FOXO3: variants seen among roughly 807,000 people sequenced by gnomAD.
FOXO3 encodes forkhead box O3, also known as forkhead box protein O3.
In FOXO3, 4 loss-of-function variants were observed where a neutral mutation model predicts 41.9. That is an observed-to-expected ratio of 0.10 (90% confidence interval 0.05 to 0.22). The LOEUF (loss-of-function observed/expected upper bound fraction) is 0.22. Among genes scored for constraint, FOXO3 ranks in the 10% least tolerant of loss-of-function variants. FOXO3 has a pLI of 1.00. For missense variants in FOXO3, 534 were observed against 906.8 expected, an observed-to-expected ratio of 0.59 and a Z score of 5.28; for synonymous variants, 318 against 389.3, an observed-to-expected ratio of 0.82 and a Z score of 2.16.
chr6:108,560,735 G>A (rs536578451), upstream of FOXO3: 28 of 225,224 alleles, frequency 1.2e-4, no homozygotes, highest in Non-Finnish European at 1.7e-4. Context: ...GCTCGGCTGC[G>A]CCAGCTCCGG....
intron 1 of FOXO3, among the ~76,000 whole-genome samples, chr6:108,579,206 G>A (rs1033151557): frequency 3.3e-5 from 5 of 152,222 alleles, no homozygotes; most frequent in Middle Eastern, 6.8e-3. Flanking sequence ...ATTCCTTTTC[G>A]TACATGAAGC....
chr6:108,588,323 G>A (rs1776642278), intron 1 of FOXO3, among the ~76,000 whole-genome samples: 1 of 151,872 alleles, frequency 6.6e-6, no homozygotes, highest in South Asian at 2.1e-4. Context: ...ACCATTGACT[G>A]GATGTTGTAT....
chr6:108,581,203 C>T (rs1207965943), intron 1 of FOXO3, among the ~76,000 whole-genome samples: 2 of 151,982 alleles, frequency 1.3e-5, no homozygotes, highest in African/African-American at 4.8e-5. Flanking sequence ...TAAATTAGGC[C>T]CAGGACATTG....
chr6:108,644,443 A>G (rs1227986389), intron 1 of FOXO3, among the ~76,000 whole-genome samples: 1 of 152,132 alleles, frequency 6.6e-6, no homozygotes. Context: ...GCAACTAGTG[A>G]TAACCTCTTG....
intron 2 of FOXO3, among the ~76,000 whole-genome samples, chr6:108,673,587 T>G (rs924543869): frequency 1.3e-5 from 2 of 152,220 alleles, no homozygotes; most frequent in African/African-American, 4.8e-5. Flanking sequence ...TTAGATTGTC[T>G]CTCAGAATCC....
In FOXO3 at chr6:108,663,803, C is replaced by T. The variant is rs1778952669; in HGVS notation, c.970C>T (p.Leu324=). 6.2e-7 allele frequency: 1 copy of T among 1,613,906 alleles called. No homozygotes were observed. The highest frequency in any genetic ancestry group is 8.5e-7 in the Non-Finnish European group (1 of 1,179,806). The change falls in exon 2 of 3, where the codon CTG becomes TTG. Residue 324 remains leucine, a synonymous_variant. Transcript: ENST00000406360. The part of the protein sequence containing the change: ...NSNASTVSGR[L]SPIMASTELD... ...TAACGCCAGCACAGTCAGTGGCCGC[C>T]TGTCGCCCATCATGGCAAGCACAGA...
chr6:108,638,901 T>G (rs1778183287), intron 1 of FOXO3, among the ~76,000 whole-genome samples: 1 of 152,182 alleles, frequency 6.6e-6, no homozygotes, highest in South Asian at 2.1e-4. Context: ...GTTCTGTTAA[T>G]AAAATCTACA....
intron 1 of FOXO3, among the ~76,000 whole-genome samples, chr6:108,637,573 A>G (rs942045703): frequency 3.9e-5 from 6 of 152,192 alleles, no homozygotes; most frequent in African/African-American, 4.8e-5. Context: ...ACTCCTGATA[A>G]TGATAGAATA....
chr6:108,630,893 G>A (rs1004415456), intron 1 of FOXO3, among the ~76,000 whole-genome samples: 23 of 152,094 alleles, frequency 1.5e-4, no homozygotes, highest in Admixed American at 3.9e-4. Context: ...AGTCATTACC[G>A]AAAGGCTATT....
chr6:108,603,041 A>G (rs1481419669), intron 1 of FOXO3, among the ~76,000 whole-genome samples: 1 of 152,138 alleles, frequency 6.6e-6, no homozygotes, highest in Non-Finnish European at 1.5e-5. Flanking sequence ...CTGGTGGAAT[A>G]TGGCAAACTG....
intron 1 of FOXO3, among the ~76,000 whole-genome samples, chr6:108,640,850 C>A (rs1778238371): frequency 6.6e-6 from 1 of 152,156 alleles, no homozygotes; most frequent in African/African-American, 2.4e-5. Flanking sequence ...TTTTGCCCTA[C>A]TATGTGCTGG....
Position 108,663,894 on chromosome 6 carries a change from T to G in FOXO3, c.1061T>G (p.Leu354Arg), listed in dbSNP as rs755424488. 8.1e-6 allele frequency: 13 copies of G among 1,614,098 alleles called. No homozygotes were observed. The highest frequency in any genetic ancestry group is 1.7e-5 in the Admixed American group (1 of 60,010). Residue 354 changes from leucine to arginine, a missense_variant, in exon 2 of 3, where the codon CTG becomes CGG. Around this residue, in one of 8 missense-constraint regions of FOXO3, gnomAD observed 185 missense variants for 224.9 expected, o/e 0.82. Transcript: ENST00000406360. Reference sequence around the variant, plus strand: ...ATGCTCTACAGCAGCTCAGCCAGCCTGTCACCTTCAGTAAGCAAGCCGTGC... The same window carrying G: ...ATGCTCTACAGCAGCTCAGCCAGCCGGTCACCTTCAGTAAGCAAGCCGTGC... ...SPMLYSSSAS[L>R]SPSVSKPCTV...
At chr6:108,672,955 A>G (rs2128390920) in intron 2 of FOXO3, among the ~76,000 whole-genome samples, 1 of 152,274 alleles carries the variant, frequency 6.6e-6, no homozygotes, top group East Asian at 1.9e-4. Context: ...TAGAAGTCCA[A>G]GAATTCTGAG....
chr6:108,599,909 C>G (rs1011679981), intron 1 of FOXO3, among the ~76,000 whole-genome samples: 1 of 152,194 alleles, frequency 6.6e-6, no homozygotes, highest in Non-Finnish European at 1.5e-5. Context: ...TATTGGGTGG[C>G]TGGTTCTTTT....
At chr6:108,567,652 A>G (rs1378575364) in intron 1 of FOXO3, among the ~76,000 whole-genome samples, 1 of 152,184 alleles carries the variant, frequency 6.6e-6, no homozygotes, top group African/African-American at 2.4e-5. Context: ...GTTCATGCCT[A>G]TAATTTTAAC....
At chr6:108,678,707 T>A (rs1006471670) in intron 2 of FOXO3, among the ~76,000 whole-genome samples, 4 of 151,526 alleles carry the variant, frequency 2.6e-5, no homozygotes, top group African/African-American at 2.4e-5. Context: ...TGTTATGTAA[T>A]TTTTTTTCTC....
rs532240070 is a variant in FOXO3 at position 108,682,726 on chromosome 6, C to G, written c.*2934C>G. ...CATTCTGAGTGAGTGTCACAGGTCC[C>G]TAACAATAATTTTCTGATCTGGAGC... On this transcript the variant is annotated 3_prime_UTR_variant, in exon 3 of 3. Coordinates refer to ENST00000406360, the MANE Select transcript of FOXO3 (RefSeq NM_001455.4). 6.6e-6 allele frequency: 1 copy of G among 152,372 alleles called. No homozygotes were observed. Among genetic ancestry groups the G allele is most frequent in the Admixed American group, 6.5e-5 (1 of 15,312 alleles). 9.4% of individuals were successfully genotyped at this position (152,372 alleles called of 1,614,324 possible).
chr6:108,676,631 A>G (rs574739220), intron 2 of FOXO3, among the ~76,000 whole-genome samples: 1 of 152,376 alleles, frequency 6.6e-6, no homozygotes, highest in Admixed American at 6.5e-5. Context: ...CTAAAATGTC[A>G]TACTTTAAAC....
intron 2 of FOXO3, among the ~76,000 whole-genome samples, chr6:108,667,192 A>G (rs1382525688): frequency 1.3e-5 from 2 of 152,326 alleles, no homozygotes; most frequent in African/African-American, 4.8e-5. Flanking sequence ...AAAGACTGTA[A>G]TGGAAGCTAA....
Sources: allele counts gnomAD v4.1 joint callset (sites outside exome capture counted in the v4.1 genomes callset), GRCh38; gene constraint gnomAD v4.1.1; regional missense constraint gnomAD v4.1.1; transcripts MANE v1.5; gene names NCBI Gene and HGNC (gene_info 2026-07-23, HGNC 2026-07-21).